Variants in HROB observed in about 807,000 individuals in gnomAD.
HROB encodes the protein homologous recombination OB-fold protein.
HROB carries 44 observed loss-of-function variants against 61.0 expected under a neutral mutation model. That is an observed-to-expected ratio of 0.72 (90% CI 0.57 to 0.93). The LOEUF is 0.93. Ranked by LOEUF, HROB falls within the 40% of genes least tolerant of loss-of-function variation. The pLI is 0.00. For synonymous variants in HROB, 301 were observed against 310.4 expected (o/e 0.97, Z 0.32); for missense variants, 716 against 796.2 (o/e 0.90, Z 1.21).
At chr17:44,155,442 G>A (rs750283795) in intron 8 of HROB, 31 bp downstream of exon 8, 1 of 1,611,522 alleles carries the variant, frequency 6.2e-7, no homozygotes, top group Non-Finnish European at 8.5e-7. Context: ...CGGGAGACTG[G>A]TAAGGCCCTC....
intron 9 of HROB, among the ~76,000 whole-genome samples, chr17:44,160,296 G>A (rs930745867): frequency 5.3e-5 from 8 of 152,114 alleles, no homozygotes; most frequent in Admixed American, 1.3e-4. Flanking sequence ...AGCTGGGCAC[G>A]GTGGCTCACT....
rs1403367387 is a variant in HROB, at chr17:44,148,034, G to T, written c.231G>T (p.Leu77Phe). ...CAGAGGCTTTGGGCCTGCCAGACTT[G>T]GACCTCTGCCTCCCTGCCTCCAGCA... ...APSEALGLPD[L>F]DLCLPASSTP... The change falls in exon 3 of 10, where the codon TTG becomes TTT. Residue 77 changes from leucine to phenylalanine, a missense_variant. Leu to Phe is a conservative substitution (Grantham distance 22). Coordinates refer to ENST00000585683, the MANE Select transcript of HROB (RefSeq NM_001171251.3). 3 of 1,613,870 alleles carry T rather than the reference G, an allele frequency of 1.9e-6. No homozygotes were observed. The highest frequency in any genetic ancestry group is 2.5e-6 in the Non-Finnish European group (3 of 1,180,032).
chr17:44,153,508 G>A (rs2053878653), intron 5 of HROB, among the ~76,000 whole-genome samples: 1 of 151,906 alleles, frequency 6.6e-6, no homozygotes, highest in African/African-American at 2.4e-5. Flanking sequence ...AATCTTGAGA[G>A]GTCAAGGCGG....
At chr17:44,143,338 G>C (rs911299073) in intron 1 of HROB, among the ~76,000 whole-genome samples, 2 of 150,976 alleles carry the variant, frequency 1.3e-5, no homozygotes, top group Non-Finnish European at 3.0e-5. Context: ...GTGAGGCCCC[G>C]TATCTATAAA....
At chr17:44,142,497 C>T (rs1420214762) in intron 1 of HROB, among the ~76,000 whole-genome samples, 3 of 144,930 alleles carry the variant, frequency 2.1e-5, no homozygotes, top group Non-Finnish European at 4.5e-5. Flanking sequence ...GACGAAGTCT[C>T]GTTCTGTCGC....
At position 44,148,270 on chromosome 17, in the gene HROB, A is replaced by G. The variant is rs774790889; in HGVS notation, c.467A>G (p.Asp156Gly). Residue 156 changes from aspartate to glycine, a missense_variant, in exon 3 of 10, where the codon GAC (aspartate) becomes GGC (glycine). Asp to Gly is a moderately conservative substitution (Grantham distance 94). Transcript: ENST00000585683. ...GGTGGCTTTGAGGGGCCTGAACAAG[A>G]CGAATTTGATAAAGTCCTGGCAAGC... ...QVGGFEGPEQDEFDKVLASME... is the reference protein window; with the variant it reads ...QVGGFEGPEQGEFDKVLASME... The G allele has an allele frequency of 1.2e-6, 2 of 1,614,114 alleles. No individual in the cohort carries two copies. Among genetic ancestry groups the G allele is most frequent in the Non-Finnish European group, 8.5e-7 (1 of 1,180,012 alleles).
chr17:44,149,191 G>C (rs2053720822), intron 3 of HROB, among the ~76,000 whole-genome samples, 164 bp downstream of exon 3: 2 of 152,142 alleles, frequency 1.3e-5, no homozygotes, highest in African/African-American at 4.8e-5. Context: ...CTGAATGCTA[G>C]AAAATCCACT....
chr17:44,147,280 C>T (rs958909107), intron 2 of HROB, among the ~76,000 whole-genome samples: 1 of 152,012 alleles, frequency 6.6e-6, no homozygotes, highest in Admixed American at 6.6e-5. Context: ...CTCTCCCCAC[C>T]CATGAAGACT....
Position 44,161,906 on chromosome 17 carries a change from G to C in HROB, c.1915G>C (p.Asp639His). The C allele has an allele frequency of 6.2e-7, 1 of 1,614,182 alleles. No homozygotes were observed. Among genetic ancestry groups the C allele is most frequent in the Non-Finnish European group, 8.5e-7 (1 of 1,180,006 alleles). Residue 639 changes from aspartate to histidine, a missense_variant, in exon 10 of 10, where the codon GAC becomes CAC. Coordinates refer to ENST00000585683, the MANE Select transcript of HROB (RefSeq NM_001171251.3). ...TGGACTCCTGAGTGAGCTTCCTGAA[G>C]ACTTCTTCTGTGGGACCAGTAGTTG... Reference protein sequence around the residue: ...LDGLLSELPEDFFCGTSS With the variant: ...LDGLLSELPEHFFCGTSS
At chr17:44,161,526 A>G (rs370100547) in intron 9 of HROB, among the ~76,000 whole-genome samples, 3 of 152,286 alleles carry the variant, frequency 2.0e-5, no homozygotes, top group African/African-American at 7.2e-5. Context: ...TTTCTCCTTC[A>G]GCCAATGAGA....
At chr17:44,161,127 C>T (rs1355511775) in intron 9 of HROB, among the ~76,000 whole-genome samples, 1 of 151,144 alleles carries the variant, frequency 6.6e-6, no homozygotes, top group Non-Finnish European at 1.5e-5. Context: ...GGTGTGAACC[C>T]AGGAGGCGGA....
chr17:44,151,878 G>A (rs761582163), intron 4 of HROB, among the ~76,000 whole-genome samples: 6 of 151,690 alleles, frequency 4.0e-5, no homozygotes, highest in African/African-American at 7.3e-5. Context: ...ACGGATTCTC[G>A]CTCTGTTGCC....
Position 44,152,792 on chromosome 17 carries a change from T to G in HROB, c.1449+15T>G. 1 of 1,610,166 alleles carries G rather than the reference T, an allele frequency of 6.2e-7. No homozygotes were observed. Among genetic ancestry groups the G allele is most frequent in the Non-Finnish European group, 8.5e-7 (1 of 1,178,260 alleles). ...TGCTGCGCAAGGTAAGGATTCTGGG[T>G]GCTGAGACCCAAAGGAAAGACCATT... On this transcript the variant is annotated intron_variant, in intron 5 of 9. Transcript: ENST00000585683.
At chr17:44,161,182 G>A (rs2054128743) in intron 9 of HROB, among the ~76,000 whole-genome samples, 2 of 147,026 alleles carry the variant, frequency 1.4e-5, no homozygotes, top group Non-Finnish European at 3.0e-5. Flanking sequence ...CAGCCTGGGC[G>A]ACAGAGTGAG....
intron 9 of HROB, among the ~76,000 whole-genome samples, chr17:44,158,343 C>G (rs1213101022): frequency 6.6e-6 from 1 of 152,172 alleles, no homozygotes; most frequent in Non-Finnish European, 1.5e-5. Context: ...GTCAAGACGT[C>G]CACTGGTTTT....
At chr17:44,157,575 G>A (rs1334587392) in intron 8 of HROB, among the ~76,000 whole-genome samples, 1 of 151,756 alleles carries the variant, frequency 6.6e-6, no homozygotes, top group African/African-American at 2.4e-5. Flanking sequence ...CACCATGCCC[G>A]GCTCTGTTTT....
intron 9 of HROB, among the ~76,000 whole-genome samples, chr17:44,159,233 G>A (rs1328280580): frequency 6.6e-6 from 1 of 152,126 alleles, no homozygotes; most frequent in Admixed American, 6.6e-5. Context: ...AAAATAGTTA[G>A]AATAAGAAAA....
At position 44,162,073 on chromosome 17, in the gene HROB, T is replaced by C. The variant is rs1598115950; in HGVS notation, c.*141T>C. 1 of 894,936 alleles carries C rather than the reference T, an allele frequency of 1.1e-6. No individual in the cohort carries two copies. The highest frequency in any genetic ancestry group is 1.7e-6 in the Non-Finnish European group (1 of 590,892). The allele number at this position is 894,936 out of a possible 1,614,324, so 55.4% of individuals were successfully genotyped here. A position where few individuals can be genotyped will look rare whatever the true frequency, so the allele number is the denominator to read the frequency against. On this transcript the variant is annotated 3_prime_UTR_variant, in exon 10 of 10. Transcript: ENST00000585683. The stretch of plus-strand genomic sequence containing the variant: ...CTTCTGTGGTTGCTCCCACCCTGGG[T>C]GTTTTCCCTGAGAGCCCCCTCATCT...
intron 1 of HROB, among the ~76,000 whole-genome samples, chr17:44,142,625 C>T (rs916225163): frequency 1.3e-5 from 2 of 151,912 alleles, no homozygotes; most frequent in Non-Finnish European, 1.5e-5. Context: ...GCTCCTGCGG[C>T]TCTGGCATCT....
Sources: allele counts gnomAD v4.1 joint callset (sites outside exome capture counted in the v4.1 genomes callset), GRCh38; gene constraint gnomAD v4.1.1; transcripts MANE v1.5; gene names NCBI Gene and HGNC (gene_info 2026-07-23, HGNC 2026-07-21).